The following TOX3 variants were observed in gnomAD, a reference collection of about 807,000 sequenced individuals.
TOX3 encodes the protein TOX high mobility group box family member 3, also known as CAG trinucleotide repeat-containing gene F9 protein.
TOX3 carries 22 observed loss-of-function variants against 64.3 expected under a neutral mutation model. That is an observed-to-expected ratio of 0.34 (90% CI 0.24 to 0.49). The LOEUF is 0.49. Among genes scored for constraint, TOX3 ranks in the 20% least tolerant of loss-of-function variants. The pLI is 0.99. For synonymous variants in TOX3, 291 were observed against 273.6 expected, an observed-to-expected ratio of 1.06 and a Z score of -0.63; for missense variants, 661 against 714.4, an observed-to-expected ratio of 0.93 and a Z score of 0.85.
intron 1 of TOX3, among the ~76,000 whole-genome samples, chr16:52,533,249 T>G (rs1459195582): frequency 6.6e-6 from 1 of 152,164 alleles, no homozygotes; most frequent in Non-Finnish European, 1.5e-5. Context: ...ACTTGGGAAT[T>G]TGTTAGCAAT....
At chr16:52,500,232 T>C (rs976413626) in intron 1 of TOX3, among the ~76,000 whole-genome samples, 5 of 152,222 alleles carry the variant, frequency 3.3e-5, no homozygotes, top group Admixed American at 3.3e-4. Flanking sequence ...TCATGTGTTT[T>C]AAACATTTAG....
intron 1 of TOX3, among the ~76,000 whole-genome samples, chr16:52,514,891 G>T (rs1962406742): frequency 1.3e-5 from 2 of 151,354 alleles, no homozygotes; most frequent in Non-Finnish European, 2.9e-5. Flanking sequence ...GGCACCTGTA[G>T]TCCCAGCTAC....
chr16:52,520,868 T>C (rs1962592165), intron 1 of TOX3, among the ~76,000 whole-genome samples: 2 of 152,208 alleles, frequency 1.3e-5, no homozygotes, highest in South Asian at 4.1e-4. Context: ...AGGTATAGTA[T>C]TGTGAGCCTT....
intron 1 of TOX3, among the ~76,000 whole-genome samples, chr16:52,491,571 C>T (rs1961688094): frequency 6.6e-6 from 1 of 152,132 alleles, no homozygotes; most frequent in Admixed American, 6.6e-5. Flanking sequence ...CTTGTTTGAT[C>T]ATCAGAGTTG....
At chr16:52,514,788 G>C (rs1042536596) in intron 1 of TOX3, among the ~76,000 whole-genome samples, 1 of 152,044 alleles carries the variant, frequency 6.6e-6, no homozygotes, top group African/African-American at 2.4e-5. Flanking sequence ...AAGGCGGGTG[G>C]ATCACGAGAT....
chr16:52,515,547 C>A lies in TOX3; in HGVS notation c.87+31090G>T, dbSNP rs553618339. ...TGTTTACCATCCTCTCCTGATGTTA[C>A]GCTTTAGTTTAAAAATAACAGTCAT... On this transcript the variant is annotated intron_variant, in intron 1 of 6. Coordinates refer to ENST00000219746, the MANE Select transcript of TOX3 (RefSeq NM_001080430.4). Among the ~76,000 whole-genome samples, 6 of 152,264 alleles carry A rather than the reference C, an allele frequency of 3.9e-5. No individual in the cohort carries two copies. In the East Asian group the frequency reaches 9.6e-4, roughly 24 times the overall value.
At position 52,438,810 on chromosome 16, in the gene TOX3, T is replaced by A; in HGVS notation, c.*415A>T. 1 of 357,700 alleles carries A rather than the reference T, an allele frequency of 2.8e-6. No homozygotes were observed. Among genetic ancestry groups the A allele is most frequent in the Non-Finnish European group, 5.4e-6 (1 of 183,628 alleles). 22.2% of individuals were successfully genotyped at this position (357,700 alleles called of 1,614,324 possible). A position where few individuals can be genotyped will look rare whatever the true frequency, so the allele number is the denominator to read the frequency against. On this transcript the variant is annotated 3_prime_UTR_variant, in exon 7 of 7. Coordinates refer to ENST00000219746, the MANE Select transcript of TOX3 (RefSeq NM_001080430.4). ...CAGGTAGTTACAACTGTGCTTTTTA[T>A]TTTTAGGGCTTCAGGAGTTCAGATA...
At chr16:52,516,679 G>T (rs1392515949) in intron 1 of TOX3, among the ~76,000 whole-genome samples, 2 of 152,026 alleles carry the variant, frequency 1.3e-5, no homozygotes, top group African/African-American at 4.8e-5. Flanking sequence ...TGTACTTATT[G>T]GTTTAACTTA....
At chr16:52,453,159 T>G (rs555873054) in intron 3 of TOX3, among the ~76,000 whole-genome samples, 19 of 151,612 alleles carry the variant, frequency 1.3e-4, no homozygotes, top group African/African-American at 4.6e-4. Context: ...TATTCTAAAT[T>G]TTCGTCTTCA....
At chr16:52,444,144 C>T in intron 6 of TOX3, 132 bp downstream of exon 6, 1 of 607,772 alleles carries the variant, frequency 1.6e-6, no homozygotes, top group South Asian at 3.1e-5. Flanking sequence ...AATGGAAACG[C>T]CTAAGTTTAC....
At chr16:52,488,855 CT>C (rs1253900388) in intron 1 of TOX3, among the ~76,000 whole-genome samples, 1 of 152,070 alleles carries the variant, frequency 6.6e-6, no homozygotes, top group East Asian at 1.9e-4. Context: ...TAGGCATGAG[CT>C]TTTTTATTGT....
chr16:52,524,700 T>C (rs1469316804), intron 1 of TOX3, among the ~76,000 whole-genome samples: 1 of 152,068 alleles, frequency 6.6e-6, no homozygotes, highest in Non-Finnish European at 1.5e-5. Context: ...CAAAAAGAAA[T>C]CGCAGCATGG....
At chr16:52,520,323 C>A (rs1356268970) in intron 1 of TOX3, among the ~76,000 whole-genome samples, 1 of 152,192 alleles carries the variant, frequency 6.6e-6, no homozygotes, top group Non-Finnish European at 1.5e-5. Context: ...CTGGCCAAGA[C>A]TAGCACCTTA....
At chr16:52,484,493 C>A (rs112912948) in intron 1 of TOX3, among the ~76,000 whole-genome samples, 2,286 of 152,146 alleles carry the variant, frequency 0.015, 55 homozygotes, top group African/African-American at 0.048. Flanking sequence ...TAATCTCCAT[C>A]GGCATGAAGC....
intron 4 of TOX3, 34 bp from the exon 5 acceptor site, chr16:52,446,255 T>A: frequency 6.3e-7 from 1 of 1,597,724 alleles, no homozygotes; most frequent in Non-Finnish European, 8.5e-7. Context: ...CTGCCTAGAA[T>A]GTACTTGCAG....
intron 4 of TOX3, 105 bp downstream of exon 4, chr16:52,450,172 C>T: frequency 7.2e-7 from 1 of 1,380,532 alleles, no homozygotes; most frequent in Non-Finnish European, 1.0e-6. Flanking sequence ...AATGCTACTC[C>T]AAATCCATGA....
rs1240643738 is a variant in TOX3 at position 52,485,222 on chromosome 16, A to ATG, written c.88-16650_88-16649dup. Among the ~76,000 whole-genome samples the ATG allele has an allele frequency of 4.4e-3, 453 of 102,726 alleles. 2 individuals are homozygous for ATG. Among genetic ancestry groups the ATG allele is most frequent in the African/African-American group, 0.015 (422 of 28,196 alleles). 67.4% of individuals were successfully genotyped at this position (102,726 alleles called of 152,430 possible). On this transcript the variant is annotated intron_variant, in intron 1 of 6. Coordinates refer to ENST00000219746, the MANE Select transcript of TOX3 (RefSeq NM_001080430.4). ...TGTGTATATGTGTGTGTGTATATAC[A>ATG]TGTGTGTGTGTGTATGTGTGTGTGT...
intron 1 of TOX3, among the ~76,000 whole-genome samples, chr16:52,505,818 A>C (rs1470996582): frequency 1.3e-5 from 2 of 152,094 alleles, no homozygotes; most frequent in Non-Finnish European, 2.9e-5. Flanking sequence ...CCTACAAAAA[A>C]TATAAAAATC....
intron 1 of TOX3, among the ~76,000 whole-genome samples, chr16:52,541,581 C>CT (rs1231478410): frequency 1.2e-4 from 19 of 152,124 alleles, no homozygotes; most frequent in African/African-American, 4.3e-4. Flanking sequence ...ACAACCAAGC[C>CT]TTTTTTAATA....
Sources: allele counts gnomAD v4.1 joint callset (sites outside exome capture counted in the v4.1 genomes callset), GRCh38; gene constraint gnomAD v4.1.1; transcripts MANE v1.5; gene names NCBI Gene and HGNC (gene_info 2026-07-23, HGNC 2026-07-21).